The following CACNA1C variants were observed in gnomAD, a reference collection of about 807,000 sequenced individuals.
CACNA1C encodes calcium voltage-gated channel subunit alpha1 C, also known as voltage-dependent L-type calcium channel subunit alpha-1C.
Under a neutral mutation model 229.0 loss-of-function variants are expected in CACNA1C, and 30 were observed. The observed-to-expected ratio is 0.13, with a 90% CI of 0.10 to 0.18. The LOEUF is 0.18. Ranked by LOEUF, CACNA1C falls within the 10% of genes least tolerant of loss-of-function variation. CACNA1C has a pLI of 1.00. For synonymous variants in CACNA1C, 1,114 were observed against 1,132.5 expected, an observed-to-expected ratio of 0.98 and a Z score of 0.33; for missense variants, 1,658 against 2,845.0, an observed-to-expected ratio of 0.58 and a Z score of 9.49.
chr12:2,363,554 C>T (rs1467702466), intron 3 of CACNA1C, among the ~76,000 whole-genome samples: 1 of 152,198 alleles, frequency 6.6e-6, no homozygotes, highest in Non-Finnish European at 1.5e-5. Context: ...CTGGGGTTCC[C>T]AGTGGGGGAG....
rs1460336088 is a variant in CACNA1C at position 2,067,946 on chromosome 12, C to T, written c.49+14335C>T. On this transcript the variant is annotated intron_variant, in intron 1 of 46. Transcript: ENST00000399655. The surrounding 1 kb of genome is among the most constrained non-coding windows in gnomAD (Gnocchi z 5.3). ...GGTTAGCCTTTGTGGAGTGTTAAGC[C>T]CTGCGATTTTATATCCTTATAATTA... Among the ~76,000 whole-genome samples the T allele has an allele frequency of 6.6e-6, 1 of 152,070 alleles. No homozygotes were observed. The highest frequency in any genetic ancestry group is 2.4e-5 in the African/African-American group (1 of 41,410).
At chr12:2,135,906 C>T (rs1289238142) in intron 3 of CACNA1C, among the ~76,000 whole-genome samples, 1 of 149,076 alleles carries the variant, frequency 6.7e-6, no homozygotes, top group Non-Finnish European at 1.5e-5. Flanking sequence ...CTCCCCCAGC[C>T]TCGCTGCCGC....
At chr12:2,166,389 A>G (rs1452540862) in intron 3 of CACNA1C, among the ~76,000 whole-genome samples, 2 of 152,218 alleles carry the variant, frequency 1.3e-5, no homozygotes, top group Non-Finnish European at 2.9e-5. Context: ...TTGGCTGATC[A>G]ATTCTTCATA....
At chr12:2,412,506 C>T (rs1421182792) in intron 3 of CACNA1C, among the ~76,000 whole-genome samples, 1 of 152,220 alleles carries the variant, frequency 6.6e-6, no homozygotes, top group South Asian at 2.1e-4. Flanking sequence ...GGCGCCCCCG[C>T]GGCCAGAGGC....
intron 3 of CACNA1C, among the ~76,000 whole-genome samples, chr12:2,433,336 G>A (rs2099104400): frequency 1.3e-5 from 2 of 152,182 alleles, no homozygotes; most frequent in Non-Finnish European, 2.9e-5. Context: ...CAGACCTGGA[G>A]CAGTCTTAGC....
intron 3 of CACNA1C, among the ~76,000 whole-genome samples, chr12:2,190,016 A>G (rs1249903717): frequency 1.3e-5 from 2 of 152,214 alleles, no homozygotes; most frequent in African/African-American, 4.8e-5. Context: ...TCAACGTTAA[A>G]GGAATAGCAC....
At chr12:2,389,848 C>T (rs2098454734) in intron 3 of CACNA1C, among the ~76,000 whole-genome samples, 1 of 152,164 alleles carries the variant, frequency 6.6e-6, no homozygotes, top group Non-Finnish European at 1.5e-5. Context: ...CCTTTCACTC[C>T]CTCTGTCCCC....
intron 6 of CACNA1C, among the ~76,000 whole-genome samples, chr12:2,489,283 CTA>C (rs756094423): frequency 1.8e-4 from 27 of 152,104 alleles, no homozygotes; most frequent in Non-Finnish European, 3.2e-4. Context: ...TTATGTATCT[CTA>C]GATTTCAAAA....
Position 2,410,102 on chromosome 12 carries a change from ACTGT to A in CACNA1C, c.478-38873_478-38870del, listed in dbSNP as rs1255225829. Among the ~76,000 whole-genome samples the A allele has an allele frequency of 6.6e-6, 1 of 152,164 alleles. No individual in the cohort carries two copies. Among genetic ancestry groups the A allele is most frequent in the East Asian group, 1.9e-4 (1 of 5,192 alleles). The stretch of plus-strand genomic sequence containing the variant: ...CAAGCTGGCAGCTTCGTCCTCTCAG[ACTGT>A]GGGTTGCTTTTAGCTGTCAGCCTTG... On this transcript the variant is annotated intron_variant, in intron 3 of 46. Coordinates refer to ENST00000399655, the MANE Select transcript of CACNA1C (RefSeq NM_000719.7). This position sits in a 1 kb window ranked among gnomAD's most constrained non-coding sequence, Gnocchi z 5.3.
rs1232487573 is a variant in CACNA1C, at chr12:2,575,282, G to A, written c.1896-6308G>A. Among the ~76,000 whole-genome samples the A allele has an allele frequency of 1.3e-5, 2 of 152,334 alleles. No homozygotes were observed. Among genetic ancestry groups the A allele is most frequent in the Non-Finnish European group, 2.9e-5 (2 of 68,018 alleles). On this transcript the variant is annotated intron_variant, in intron 13 of 46. Transcript: ENST00000399655. This position sits in a 1 kb window ranked among gnomAD's most constrained non-coding sequence, Gnocchi z 4.0. ...GGCAGGTACCAGTAGAAACTGAACCGGTAGTTGAGGCCTTGGGGCCCAGGT... is the reference window on the plus strand; with the variant it reads ...GGCAGGTACCAGTAGAAACTGAACCAGTAGTTGAGGCCTTGGGGCCCAGGT...
intron 8 of CACNA1C, among the ~76,000 whole-genome samples, chr12:2,507,534 T>C (rs2099774480): frequency 6.6e-6 from 1 of 152,242 alleles, no homozygotes; most frequent in African/African-American, 2.4e-5. Context: ...AAACACCCAC[T>C]TATTCATCAG....
At chr12:2,390,997 G>C (rs907658642) in intron 3 of CACNA1C, among the ~76,000 whole-genome samples, 13 of 152,202 alleles carry the variant, frequency 8.5e-5, no homozygotes, top group Non-Finnish European at 1.8e-4. Context: ...TGTTGCTTCT[G>C]AACCAAGGCA....
At position 2,632,292 on chromosome 12, in the gene CACNA1C, G is replaced by A. The variant is rs965914241; in HGVS notation, c.3829-2005G>A. 1.8e-4 allele frequency among the ~76,000 whole-genome samples: 5 copies of A among 28,290 alleles called. No individual in the cohort carries two copies. Among genetic ancestry groups the A allele is most frequent in the African/African-American group, 6.2e-4 (5 of 8,072 alleles). 18.6% of individuals were successfully genotyped at this position (28,290 alleles called of 152,430 possible). ...GGAATATGACCGCCTGTAGCTGGGG[G>A]TGTATGGGGACTATGACCGCCTGTA... On this transcript the variant is annotated intron_variant, in intron 29 of 46. Transcript: ENST00000399655. This position sits in a 1 kb window ranked among gnomAD's most constrained non-coding sequence, Gnocchi z 4.1.
At chr12:2,031,687 T>G (rs1220667826) in intron 1 of CACNA1C, among the ~76,000 whole-genome samples, 1 of 152,226 alleles carries the variant, frequency 6.6e-6, no homozygotes, top group African/African-American at 2.4e-5. Context: ...AAAATTCTGA[T>G]GCCCAGGCTG....
chr12:2,406,146 C>G (rs1480390911), intron 3 of CACNA1C, among the ~76,000 whole-genome samples: 2 of 152,160 alleles, frequency 1.3e-5, no homozygotes, highest in African/African-American at 4.8e-5. Flanking sequence ...ATTTTCCCCC[C>G]TGGGCAAGGT....
intron 19 of CACNA1C, among the ~76,000 whole-genome samples, chr12:2,594,636 T>C (rs187889219): frequency 5.2e-5 from 8 of 152,382 alleles, no homozygotes; most frequent in Admixed American, 4.6e-4. Flanking sequence ...ATAGTTGTTT[T>C]ATAGTCTATA....
At chr12:2,163,439 CT>C (rs111785756) in intron 3 of CACNA1C, among the ~76,000 whole-genome samples, 11 of 149,132 alleles carry the variant, frequency 7.4e-5, no homozygotes, top group Non-Finnish European at 1.0e-4. Flanking sequence ...CCCAGCGCTC[CT>C]TTTTTTTTTC....
intron 3 of CACNA1C, among the ~76,000 whole-genome samples, chr12:2,420,017 G>T (rs552942246): frequency 5.9e-5 from 9 of 152,050 alleles, no homozygotes; most frequent in African/African-American, 2.2e-4. Flanking sequence ...CAAGCTTTTC[G>T]TAATGGGGTC....
intron 1 of CACNA1C, chr12:2,004,434 T>G: frequency 6.2e-7 from 1 of 1,606,572 alleles, no homozygotes; most frequent in Non-Finnish European, 8.5e-7. Flanking sequence ...GCTGCCATCT[T>G]CCCTCCCTCC....
Sources: allele counts gnomAD v4.1 joint callset (sites outside exome capture counted in the v4.1 genomes callset), GRCh38; gene constraint gnomAD v4.1.1; non-coding constraint Gnocchi (gnomAD v3.1); transcripts MANE v1.5; gene names NCBI Gene and HGNC (gene_info 2026-07-23, HGNC 2026-07-21).